Variants in COL15A1 observed in about 807,000 individuals in gnomAD.
COL15A1 encodes the protein collagen alpha-1(XV) chain.
COL15A1 carries 111 observed loss-of-function variants against 165.9 expected under a neutral mutation model. That is an observed-to-expected ratio of 0.67 (90% CI 0.57 to 0.78). The LOEUF (loss-of-function observed/expected upper bound fraction) is 0.78. Among genes scored for constraint, COL15A1 ranks in the 30% least tolerant of loss-of-function variants. The pLI is 0.00. For synonymous variants in COL15A1, 659 were observed against 674.8 expected (o/e 0.98, Z 0.36); for missense variants, 1,745 against 1,789.7 (o/e 0.98, Z 0.45).
chr9:98,997,098 A>G lies in COL15A1; in HGVS notation c.952+17A>G, dbSNP rs775871465. 4.5e-5 allele frequency: 73 copies of G among 1,613,936 alleles called. No homozygotes were observed. The highest frequency in any genetic ancestry group is 6.1e-5 in the Non-Finnish European group (72 of 1,179,954). ...CCAAACAAGGCAAGTCCGGATGCAC[A>G]TGCCTACGTAGTGGCCTTTTATTGG... On this transcript the variant is annotated intron_variant, in intron 6 of 41. Transcript: ENST00000375001.
rs73503762 is a variant in COL15A1 at position 99,042,221 on chromosome 9, C to T, written c.2574+114C>T. ...CTTCTTTGAGATACAATTCACATGC[C>T]ATAAAATTCACCCCTTTAAATTGTA... On this transcript the variant is annotated intron_variant, in intron 24 of 41. Transcript: ENST00000375001. 2,486 of 739,608 alleles carry T rather than the reference C, an allele frequency of 3.4e-3. 50 individuals are homozygous for T. The African/African-American group carries it at 0.04, about 12-fold the overall frequency. The allele number at this position is 739,608 out of a possible 1,614,324, so 45.8% of individuals were successfully genotyped here.
chr9:99,059,105 A>G lies in COL15A1; in HGVS notation c.3338-784A>G, dbSNP rs1825771058. ...TCATAGACTCCTAGAGAGTTCAAGGATATACCTCCAGGATTTGTCATCCCA... is the reference window on the plus strand; with the variant it reads ...TCATAGACTCCTAGAGAGTTCAAGGGTATACCTCCAGGATTTGTCATCCCA... On this transcript the variant is annotated intron_variant, in intron 35 of 41. Transcript: ENST00000375001. Among the ~76,000 whole-genome samples, 3 of 152,186 alleles carry G rather than the reference A, an allele frequency of 2.0e-5. No individual in the cohort carries two copies. In the South Asian group the frequency reaches 6.2e-4, roughly 31 times the overall value.
intron 12 of COL15A1, among the ~76,000 whole-genome samples, chr9:99,020,735 C>A (rs1294183546): frequency 6.6e-6 from 1 of 152,248 alleles, no homozygotes; most frequent in Non-Finnish European, 1.5e-5. Flanking sequence ...CCTGGCTCTG[C>A]CACACATCTG....
At chr9:98,991,474 A>T (rs1384665809) in intron 5 of COL15A1, among the ~76,000 whole-genome samples, 3 of 152,162 alleles carry the variant, frequency 2.0e-5, no homozygotes, top group Non-Finnish European at 4.4e-5. Context: ...TCCCCACTAG[A>T]TTAGCTAGAC....
At chr9:98,964,183 T>C (rs1166394070) in intron 2 of COL15A1, among the ~76,000 whole-genome samples, 1 of 152,230 alleles carries the variant, frequency 6.6e-6, no homozygotes. Flanking sequence ...CCTCCTGGGG[T>C]TCCCCCGAGG....
In COL15A1 at chr9:99,042,118, C is replaced by T. The variant is rs201243024; in HGVS notation, c.2574+11C>T. ...CTAAAAGGAGAACAGGTAAGAGGGG[C>T]CCAGGTATCTGAGTGAGATTGGGCG... On this transcript the variant is annotated intron_variant, in intron 24 of 41. Coordinates refer to ENST00000375001, the MANE Select transcript of COL15A1 (RefSeq NM_001855.5). The T allele has an allele frequency of 1.2e-6, 2 of 1,601,402 alleles. No individual in the cohort carries two copies. Among genetic ancestry groups the T allele is most frequent in the South Asian group, 1.1e-5 (1 of 88,694 alleles).
In COL15A1 at chr9:99,052,076, G is replaced by A. The variant is rs560297547; in HGVS notation, c.2905-312G>A. 3.9e-5 allele frequency among the ~76,000 whole-genome samples: 6 copies of A among 152,310 alleles called. No individual in the cohort carries two copies. The South Asian group carries it at 1.0e-3, about 26-fold the overall frequency. On this transcript the variant is annotated intron_variant, in intron 30 of 41. Transcript: ENST00000375001. ...AGGAAGACAAGAATGTTCACAGTTG[G>A]CCAAACCACCACTGCCACGATTTGT... is the stretch of plus-strand genomic sequence containing the variant.
intron 30 of COL15A1, 69 bp from the exon 31 acceptor site, chr9:99,052,319 T>C: frequency 8.6e-7 from 1 of 1,156,144 alleles, no homozygotes; most frequent in South Asian, 1.2e-5. Context: ...CCCGGGACAG[T>C]GGCTGCCTGT....
intron 40 of COL15A1, among the ~76,000 whole-genome samples, 167 bp from the exon 41 acceptor site, chr9:99,068,388 C>T (rs1825930100): frequency 6.7e-6 from 1 of 149,240 alleles, no homozygotes; most frequent in Admixed American, 6.8e-5. Flanking sequence ...TCACTTGAAC[C>T]TGGGAGGTGG....
At chr9:99,065,833 G>A (rs1016577464) in intron 39 of COL15A1, among the ~76,000 whole-genome samples, 1 of 151,584 alleles carries the variant, frequency 6.6e-6, no homozygotes, top group African/African-American at 2.4e-5. Flanking sequence ...GACACTCACT[G>A]TAGCTCATGG....
chr9:98,952,726 G>C (rs150884794), intron 2 of COL15A1, among the ~76,000 whole-genome samples: 34 of 152,274 alleles, frequency 2.2e-4, no homozygotes, highest in African/African-American at 6.5e-4. Flanking sequence ...TTTCCAAAGT[G>C]GTCCCCAGGT....
intron 21 of COL15A1, among the ~76,000 whole-genome samples, chr9:99,038,449 G>A (rs1040425748): frequency 3.3e-5 from 5 of 152,216 alleles, no homozygotes; most frequent in African/African-American, 1.2e-4. Context: ...CGTATATTGT[G>A]TGATTTAAAA....
chr9:99,004,524 C>T (rs1838722511), intron 8 of COL15A1, among the ~76,000 whole-genome samples: 2 of 152,192 alleles, frequency 1.3e-5, no homozygotes, highest in Admixed American at 1.3e-4. Flanking sequence ...ACTACTGCTT[C>T]AACAAGAAAG....
At chr9:98,994,492 C>G (rs146072812) in intron 5 of COL15A1, among the ~76,000 whole-genome samples, 372 of 152,296 alleles carry the variant, frequency 2.4e-3, no homozygotes, top group African/African-American at 8.5e-3. Flanking sequence ...GCTAAGCCCC[C>G]TCCTCGCACT....
At chr9:99,058,560 G>C (rs1236377155) in intron 35 of COL15A1, among the ~76,000 whole-genome samples, 1 of 152,222 alleles carries the variant, frequency 6.6e-6, no homozygotes, top group South Asian at 2.1e-4. Flanking sequence ...CATTAGGGCT[G>C]CCGGGATGCC....
At chr9:98,969,213 G>C (rs1028060184) in intron 2 of COL15A1, among the ~76,000 whole-genome samples, 4 of 152,198 alleles carry the variant, frequency 2.6e-5, no homozygotes, top group Admixed American at 2.6e-4. Context: ...ATTTATGGGA[G>C]AGAAAAGAAG....
At chr9:99,056,459 G>A (rs775316452) in intron 35 of COL15A1, 55 bp downstream of exon 35, 491 of 1,528,330 alleles carry the variant, frequency 3.2e-4, no homozygotes, top group Non-Finnish European at 3.9e-4. Flanking sequence ...TGTGTTCAAG[G>A]TCACAGCATC....
chr9:98,968,781 G>T (rs1837996247), intron 2 of COL15A1, among the ~76,000 whole-genome samples: 1 of 152,004 alleles, frequency 6.6e-6, no homozygotes, highest in African/African-American at 2.4e-5. Context: ...GTTGGGCCTG[G>T]CCTATAGCTT....
chr9:99,008,616 CAT>C (rs1838800174), intron 9 of COL15A1, among the ~76,000 whole-genome samples: 1 of 151,988 alleles, frequency 6.6e-6, no homozygotes, highest in Non-Finnish European at 1.5e-5. Context: ...ATATTTTACT[CAT>C]TTTTTTTTGA....
Sources: gnomAD v4.1 joint callset for allele counts (sites outside exome capture counted in the v4.1 genomes callset) on GRCh38, gnomAD v4.1.1 for gene constraint, MANE v1.5 for transcripts, NCBI Gene and HGNC (gene_info 2026-07-23, HGNC 2026-07-21) for gene names.